The following SMAD2 variants were observed in gnomAD, a reference collection of about 807,000 sequenced individuals.
SMAD2 encodes the protein MAD homolog 2.
Under a neutral mutation model 64.4 loss-of-function variants are expected in SMAD2, and 8 were observed. The observed-to-expected ratio is 0.12, with a 90% CI of 0.07 to 0.22. The LOEUF (loss-of-function observed/expected upper bound fraction) is 0.22, where lower values mean the gene tolerates loss of function less well. SMAD2 is among the 10% of genes least tolerant of loss of function. The pLI is 1.00. For missense variants in SMAD2, 289 were observed against 561.2 expected, an observed-to-expected ratio of 0.51 and a Z score of 4.90; for synonymous variants, 203 against 195.8, an observed-to-expected ratio of 1.04 and a Z score of -0.31.
rs1031194837 is a variant in SMAD2 at position 47,832,543 on chromosome 18, C to G, written c.*9284G>C. On this transcript the variant is annotated 3_prime_UTR_variant, in exon 11 of 11. Coordinates refer to ENST00000262160, the MANE Select transcript of SMAD2 (RefSeq NM_005901.6). ...CATGTTTAAAATGGTTTGCAGAAAACAGTCTGCTAACCAGTACTGATTCAT... is the reference window on the plus strand; with the variant it reads ...CATGTTTAAAATGGTTTGCAGAAAAGAGTCTGCTAACCAGTACTGATTCAT... 2 of 152,172 alleles carry G rather than the reference C, an allele frequency of 1.3e-5. No individual in the cohort carries two copies. Among genetic ancestry groups the G allele is most frequent in the Non-Finnish European group, 2.9e-5 (2 of 68,022 alleles). The allele number at this position is 152,172 out of a possible 1,614,324, so 9.4% of individuals were successfully genotyped here.
intron 1 of SMAD2, among the ~76,000 whole-genome samples, chr18:47,907,253 A>G (rs995329050): frequency 7.2e-5 from 11 of 152,242 alleles, no homozygotes; most frequent in African/African-American, 2.4e-4. Flanking sequence ...CATGTTAATA[A>G]TCGCCAAAAA....
Position 47,813,711 on chromosome 18 carries a change from A to ATTTTCTTTT in SMAD2, c.*28115_*28116insAAAAGAAAA, listed in dbSNP as rs1912278747. 1 of 84,580 alleles carries ATTTTCTTTT rather than the reference A, an allele frequency of 1.2e-5. No homozygotes were observed. Among genetic ancestry groups the ATTTTCTTTT allele is most frequent in the Non-Finnish European group, 2.2e-5 (1 of 45,950 alleles). 5.2% of individuals were successfully genotyped at this position (84,580 alleles called of 1,614,324 possible). A position where few individuals can be genotyped will look rare whatever the true frequency, so the allele number is the denominator to read the frequency against. On this transcript the variant is annotated 3_prime_UTR_variant, in exon 11 of 11. Transcript: ENST00000262160. ...ATGAGCCACTGTACCCGGCCCCACA[A>ATTTTCTTTT]TTTTTTTTTTTTTTTTTTTTTGGAG...
Position 47,814,236 on chromosome 18 carries a change from A to C in SMAD2, c.*27591T>G, listed in dbSNP as rs1264956916. On this transcript the variant is annotated 3_prime_UTR_variant, in exon 11 of 11. Coordinates refer to ENST00000262160, the MANE Select transcript of SMAD2 (RefSeq NM_005901.6). Reference sequence around the variant, plus strand: ...GCCCTGAAGCCTGACAGTCACAGGAAAGGAGAGGGTGTGTACTAGAGTAAC... The same window carrying C: ...GCCCTGAAGCCTGACAGTCACAGGACAGGAGAGGGTGTGTACTAGAGTAAC... 6.6e-6 allele frequency: 1 copy of C among 152,162 alleles called. No homozygotes were observed. The highest frequency in any genetic ancestry group is 2.4e-5 in the African/African-American group (1 of 41,444). 9.4% of individuals were successfully genotyped at this position (152,162 alleles called of 1,614,324 possible).
chr18:47,906,325 T>G (rs2033901853), intron 1 of SMAD2, among the ~76,000 whole-genome samples: 1 of 152,162 alleles, frequency 6.6e-6, no homozygotes, highest in South Asian at 2.1e-4. Flanking sequence ...CCAAGCATTT[T>G]GGATAAGGGA....
intron 2 of SMAD2, among the ~76,000 whole-genome samples, chr18:47,884,991 T>C (rs1415614067): frequency 6.6e-6 from 1 of 152,158 alleles, no homozygotes. Context: ...GATTTAAATA[T>C]CAATTCTAAA....
In SMAD2 at chr18:47,841,807, G is replaced by A. The variant is rs1471037564; in HGVS notation, c.*20C>T. ...GAGTTGTTACATTAAGTCTTTTCAT[G>A]GGACTTGATTGGTGAAGCTTTATGA... On this transcript the variant is annotated 3_prime_UTR_variant, in exon 11 of 11. Coordinates refer to ENST00000262160, the MANE Select transcript of SMAD2 (RefSeq NM_005901.6). 1.2e-6 allele frequency: 2 copies of A among 1,613,880 alleles called. No homozygotes were observed.
intron 1 of SMAD2, among the ~76,000 whole-genome samples, chr18:47,926,497 A>T (rs1397218815): frequency 6.6e-6 from 1 of 152,130 alleles, no homozygotes; most frequent in Non-Finnish European, 1.5e-5. Context: ...CTAGGCTAAC[A>T]TCCTACTCCC....
intron 10 of SMAD2, among the ~76,000 whole-genome samples, chr18:47,842,167 T>C (rs946274004): frequency 6.6e-6 from 1 of 152,202 alleles, no homozygotes; most frequent in Non-Finnish European, 1.5e-5. Context: ...CTTTTTCTCA[T>C]CGCACTAAAA....
chr18:47,822,421 G>A lies in SMAD2; in HGVS notation c.*19406C>T, dbSNP rs1288784880. ...TATTTTTTCAGAACTTCAAGAAACT[G>A]ATGAGTCCATGTAACTACTAATTAA... On this transcript the variant is annotated 3_prime_UTR_variant, in exon 11 of 11. Transcript: ENST00000262160. 4 of 152,244 alleles carry A rather than the reference G, an allele frequency of 2.6e-5. No individual in the cohort carries two copies. In the East Asian group the frequency reaches 7.7e-4, roughly 29 times the overall value. 9.4% of individuals were successfully genotyped at this position (152,244 alleles called of 1,614,324 possible). A position where few individuals can be genotyped will look rare whatever the true frequency, so the allele number is the denominator to read the frequency against.
At chr18:47,872,452 C>T (rs1173240870) in intron 2 of SMAD2, among the ~76,000 whole-genome samples, 1 of 151,884 alleles carries the variant, frequency 6.6e-6, no homozygotes, top group Non-Finnish European at 1.5e-5. Context: ...AATTTAAAAA[C>T]AATATGGTAT....
chr18:47,854,685 A>G (rs1472025484), intron 6 of SMAD2, among the ~76,000 whole-genome samples: 1 of 152,084 alleles, frequency 6.6e-6, no homozygotes, highest in Non-Finnish European at 1.5e-5. Context: ...GGTGACATTA[A>G]ATTGTTTTAA....
At position 47,848,644 on chromosome 18, in the gene SMAD2, C is replaced by G. The variant is rs1051066; in HGVS notation, c.828G>C (p.Ser276=). 12 of 1,613,526 alleles carry G rather than the reference C, an allele frequency of 7.4e-6. No individual in the cohort carries two copies. The highest frequency in any genetic ancestry group is 1.0e-5 in the Non-Finnish European group (12 of 1,179,858). ...VTYSEPAFWC[S]IAYYELNQRV... ...TCTGATTTAATTCATAATATGCTAT[C>G]GAACACCAAAATGCAGGTTCTGAGT... The change falls in exon 8 of 11, where the codon TCG becomes TCC. Residue 276 remains serine (S), a synonymous_variant. Coordinates refer to ENST00000262160, the MANE Select transcript of SMAD2 (RefSeq NM_005901.6).
At position 47,836,977 on chromosome 18, in the gene SMAD2, A is replaced by T. The variant is rs1300966919; in HGVS notation, c.*4850T>A. On this transcript the variant is annotated 3_prime_UTR_variant, in exon 11 of 11. Transcript: ENST00000262160. Reference sequence around the variant, plus strand: ...GAGACCACACACTATCATTATTCTGACTGTCTTAAATACAACAATCCAATA... The same window carrying T: ...GAGACCACACACTATCATTATTCTGTCTGTCTTAAATACAACAATCCAATA... 9.4e-6 allele frequency: 2 copies of T among 212,472 alleles called. No individual in the cohort carries two copies. The highest frequency in any genetic ancestry group is 7.0e-5 in the East Asian group (1 of 14,240). 13.2% of individuals were successfully genotyped at this position (212,472 alleles called of 1,614,324 possible).
chr18:47,826,629 C>G lies in SMAD2; in HGVS notation c.*15198G>C, dbSNP rs917602823. 6.6e-6 allele frequency: 1 copy of G among 152,198 alleles called. No homozygotes were observed. The highest frequency in any genetic ancestry group is 2.4e-5 in the African/African-American group (1 of 41,448). 9.4% of individuals were successfully genotyped at this position (152,198 alleles called of 1,614,324 possible). ...TACAACTGCTCCAGAGACATCTAGCCGAAATCACTTATCTAATTCATAAAC... is the reference window on the plus strand; with the variant it reads ...TACAACTGCTCCAGAGACATCTAGCGGAAATCACTTATCTAATTCATAAAC... On this transcript the variant is annotated 3_prime_UTR_variant, in exon 11 of 11. Coordinates refer to ENST00000262160, the MANE Select transcript of SMAD2 (RefSeq NM_005901.6).
intron 6 of SMAD2, among the ~76,000 whole-genome samples, chr18:47,862,024 T>C (rs1031220092): frequency 1.3e-5 from 2 of 152,234 alleles, no homozygotes; most frequent in African/African-American, 4.8e-5. Context: ...TATGCTATTT[T>C]GATTATATGC....
rs530534688 is a variant in SMAD2 at position 47,815,315 on chromosome 18, A to G, written c.*26512T>C. 20 of 152,348 alleles carry G rather than the reference A, an allele frequency of 1.3e-4. 1 individual carries two copies. In the South Asian group the frequency reaches 4.1e-3, roughly 32 times the overall value. The allele number at this position is 152,348 out of a possible 1,614,324, so 9.4% of individuals were successfully genotyped here. ...ATGAGAAATTGATGTGAAATGAAGG[A>G]ACTGTAACTTCTTTTCTGCATGATC... On this transcript the variant is annotated 3_prime_UTR_variant, in exon 11 of 11. Coordinates refer to ENST00000262160, the MANE Select transcript of SMAD2 (RefSeq NM_005901.6).
In SMAD2 at chr18:47,918,146, C is replaced by T. The variant is rs542323444; in HGVS notation, c.-54+12215G>A. Among the ~76,000 whole-genome samples, 4 of 152,280 alleles carry T rather than the reference C, an allele frequency of 2.6e-5. No individual in the cohort carries two copies. In the South Asian group the frequency reaches 6.2e-4, roughly 24 times the overall value. ...GAAAGGAATTCAGTTCTTAGATTTCCGCCCCTACTGTCTCTGGATAACTAA... is the reference window on the plus strand; with the variant it reads ...GAAAGGAATTCAGTTCTTAGATTTCTGCCCCTACTGTCTCTGGATAACTAA... On this transcript the variant is annotated intron_variant, in intron 1 of 10. Transcript: ENST00000262160.
At chr18:47,894,619 A>C (rs1052257237) in intron 2 of SMAD2, among the ~76,000 whole-genome samples, 2 of 152,126 alleles carry the variant, frequency 1.3e-5, no homozygotes, top group African/African-American at 4.8e-5. Flanking sequence ...TCAACTCAAA[A>C]TCACCAGTAT....
At chr18:47,875,901 G>A (rs2032235837) in intron 2 of SMAD2, among the ~76,000 whole-genome samples, 1 of 151,918 alleles carries the variant, frequency 6.6e-6, no homozygotes, top group African/African-American at 2.4e-5. Context: ...GGAATTTTGT[G>A]GGTTATATAA....
Sources: allele counts gnomAD v4.1 joint callset (sites outside exome capture counted in the v4.1 genomes callset), GRCh38; gene constraint gnomAD v4.1.1; transcripts MANE v1.5; gene names NCBI Gene and HGNC (gene_info 2026-07-23, HGNC 2026-07-21).